Variants in PSTPIP1 observed in about 807,000 individuals in gnomAD.
PSTPIP1 encodes proline-serine-threonine phosphatase-interacting protein 1.
A neutral mutation model predicts 69.6 loss-of-function variants in PSTPIP1; 66 were observed. The ratio of observed to expected loss-of-function variants is 0.95; its 90% CI spans 0.78 to 1.16. PSTPIP1 has a LOEUF of 1.16. Among genes scored for constraint, PSTPIP1 ranks in the 50% most tolerant of loss-of-function variants. The pLI is 0.00. For missense variants in PSTPIP1, 603 were observed against 557.4 expected, an observed-to-expected ratio of 1.08 and a Z score of -0.82; for synonymous variants, 266 against 222.7, an observed-to-expected ratio of 1.19 and a Z score of -1.73.
At chr15:77,032,442 C>G (rs765213101) in intron 11 of PSTPIP1, 48 bp downstream of exon 11, 1 of 1,590,604 alleles carries the variant, frequency 6.3e-7, no homozygotes, top group South Asian at 1.1e-5. Context: ...CATTGAGCCC[C>G]TGGGAAGGCC....
intron 1 of PSTPIP1, among the ~76,000 whole-genome samples, chr15:77,014,227 GTCA>G (rs1417475600): frequency 1.3e-5 from 2 of 152,198 alleles, no homozygotes; most frequent in African/African-American, 4.8e-5. Context: ...TAAAATGGTA[GTCA>G]TCACCCCTAG....
In PSTPIP1 at chr15:77,007,437, A is replaced by G. The variant is rs576126794; in HGVS notation, c.37-10711A>G. ...AGCCTAGGAAGCATGGCAAAACCCAATCTCTACAAAAAATACAAAAATTAG... is the reference window on the plus strand; with the variant it reads ...AGCCTAGGAAGCATGGCAAAACCCAGTCTCTACAAAAAATACAAAAATTAG... On this transcript the variant is annotated intron_variant, in intron 1 of 14. Transcript: ENST00000558012. 3.6e-4 allele frequency among the ~76,000 whole-genome samples: 55 copies of G among 152,120 alleles called. No individual in the cohort carries two copies. In the East Asian group the frequency reaches 9.0e-3, roughly 25 times the overall value.
intron 3 of PSTPIP1, chr15:77,024,066 G>A (rs1290239197): frequency 6.6e-6 from 1 of 152,342 alleles, no homozygotes; most frequent in African/African-American, 2.4e-5. Context: ...TCTCATCTGT[G>A]AAATGGGATA....
At position 77,027,985 on chromosome 15, in the gene PSTPIP1, C is replaced by G; in HGVS notation, c.417+71C>G. 7 of 1,364,132 alleles carry G rather than the reference C, an allele frequency of 5.1e-6. No homozygotes were observed. The highest frequency in any genetic ancestry group is 7.1e-6 in the Non-Finnish European group (7 of 979,880). The allele number at this position is 1,364,132 out of a possible 1,614,324, so 84.5% of individuals were successfully genotyped here. A position where few individuals can be genotyped will look rare whatever the true frequency, so the allele number is the denominator to read the frequency against. On this transcript the variant is annotated intron_variant, in intron 6 of 14. Transcript: ENST00000558012. This position sits in a 1 kb window ranked among gnomAD's most constrained non-coding sequence, Gnocchi z 4.3. ...GCAGGTCTCAGGGTGCGATCCTGGGCTGTGGCCCCGGGCAGGGCATTTGGA... is the reference window on the plus strand; with the variant it reads ...GCAGGTCTCAGGGTGCGATCCTGGGGTGTGGCCCCGGGCAGGGCATTTGGA...
intron 1 of PSTPIP1, among the ~76,000 whole-genome samples, chr15:77,006,722 C>T (rs2075822331): frequency 1.3e-5 from 2 of 152,294 alleles, no homozygotes; most frequent in African/African-American, 4.8e-5. Context: ...ATAGAATGGT[C>T]TTGGCACCCT....
intron 1 of PSTPIP1, 139 bp from the exon 2 acceptor site, chr15:77,018,009 G>A (rs2076085533): frequency 5.1e-6 from 4 of 778,554 alleles, no homozygotes; most frequent in Non-Finnish European, 8.2e-6. Flanking sequence ...CAGGTCTGGA[G>A]TCCCAAGAGC....
At chr15:76,997,004 G>T (rs919126929) in intron 1 of PSTPIP1, among the ~76,000 whole-genome samples, 9 of 152,194 alleles carry the variant, frequency 5.9e-5, no homozygotes, top group Non-Finnish European at 1.2e-4. Context: ...TTATCACTGA[G>T]ACCTCTGTCC....
intron 5 of PSTPIP1, among the ~76,000 whole-genome samples, chr15:77,026,638 A>C (rs1176246915): frequency 6.6e-6 from 1 of 152,228 alleles, no homozygotes; most frequent in East Asian, 1.9e-4. Context: ...TCTGGTTAGC[A>C]GCTCTGCTGG....
rs114245955 is a variant in PSTPIP1 at position 76,995,810 on chromosome 15, G to T, written c.36+201G>T. On this transcript the variant is annotated intron_variant, in intron 1 of 14. Coordinates refer to ENST00000558012, the MANE Select transcript of PSTPIP1 (RefSeq NM_003978.5). Reference sequence around the variant, plus strand: ...ACGCAAGTGGACTCCGTGAATGAGCGTCCTCCTCTCTGCTGCCCCGTGTGT... The same window carrying T: ...ACGCAAGTGGACTCCGTGAATGAGCTTCCTCCTCTCTGCTGCCCCGTGTGT... Among the ~76,000 whole-genome samples, 439 of 152,302 alleles carry T rather than the reference G, an allele frequency of 2.9e-3. 2 individuals are homozygous for T. Among genetic ancestry groups the T allele is most frequent in the African/African-American group, 0.01 (418 of 41,558 alleles).
intron 11 of PSTPIP1, 140 bp from the exon 12 acceptor site, chr15:77,032,722 T>A (rs1472204894): frequency 1.4e-6 from 1 of 715,398 alleles, no homozygotes; most frequent in Non-Finnish European, 2.3e-6. Flanking sequence ...GTGGGGTCTC[T>A]CATGGGAGCA....
chr15:77,026,227 G>C (rs774043213), intron 5 of PSTPIP1: 79 of 455,796 alleles, frequency 1.7e-4, no homozygotes, highest in Admixed American at 5.9e-4. Context: ...GGCTGAAGTT[G>C]GATATAGGTT....
Position 77,012,156 on chromosome 15 carries a change from T to TCCAA in PSTPIP1, c.37-5989_37-5988insACCA, listed in dbSNP as rs2075953030. Among the ~76,000 whole-genome samples, 18 of 28,932 alleles carry TCCAA rather than the reference T, an allele frequency of 6.2e-4. 1 individual carries two copies. The South Asian group carries it at 0.015, about 24-fold the overall frequency. The allele number at this position is 28,932 out of a possible 152,430, so 19.0% of individuals were successfully genotyped here. Reference sequence around the variant, plus strand: ...ATCCATCCATCCATCCATCCATCCATCCACCCACCCACCCACCCACCCATT... The same window carrying TCCAA: ...ATCCATCCATCCATCCATCCATCCATCCAACCACCCACCCACCCACCCACCCATT... On this transcript the variant is annotated intron_variant, in intron 1 of 14. Transcript: ENST00000558012.
Position 77,025,789 on chromosome 15 carries a change from C to T in PSTPIP1, c.354+185C>T, listed in dbSNP as rs11636266. Among the ~76,000 whole-genome samples, 5,336 of 152,182 alleles carry T rather than the reference C, an allele frequency of 0.035. 173 individuals are homozygous for T. The highest frequency in any genetic ancestry group is 0.084 in the African/African-American group (3,505 of 41,486). On this transcript the variant is annotated intron_variant, in intron 5 of 14. Coordinates refer to ENST00000558012, the MANE Select transcript of PSTPIP1 (RefSeq NM_003978.5). ...TGGGTAGGGAGGGCAGAGGCCTGGC[C>T]GCTGGCACTAAGGCCAACTCTTAGT... is the stretch of plus-strand genomic sequence containing the variant.
At chr15:77,005,031 A>G (rs2075788619) in intron 1 of PSTPIP1, among the ~76,000 whole-genome samples, 1 of 152,198 alleles carries the variant, frequency 6.6e-6, no homozygotes, top group African/African-American at 2.4e-5. Context: ...AAAGTTCCCC[A>G]GTGCCTCCAT....
At chr15:77,008,851 C>T (rs2075873450) in intron 1 of PSTPIP1, among the ~76,000 whole-genome samples, 1 of 152,140 alleles carries the variant, frequency 6.6e-6, no homozygotes, top group African/African-American at 2.4e-5. Context: ...TCGTGTTTCT[C>T]CACCATGCGG....
chr15:77,031,316 C>A, intron 10 of PSTPIP1, 38 bp downstream of exon 10: 1 of 1,595,742 alleles, frequency 6.3e-7, no homozygotes, highest in Non-Finnish European at 8.6e-7. Flanking sequence ...TAAGGTAGGG[C>A]AGCCTCTAGG....
intron 1 of PSTPIP1, among the ~76,000 whole-genome samples, chr15:77,014,151 C>G (rs922755482): frequency 6.6e-6 from 1 of 152,102 alleles, no homozygotes; most frequent in Non-Finnish European, 1.5e-5. Context: ...GGGTTATATC[C>G]CAGCTGCACC....
At chr15:77,018,373 A>T in intron 2 of PSTPIP1, 84 bp from the exon 3 acceptor site, 2 of 1,540,528 alleles carry the variant, frequency 1.3e-6, no homozygotes, top group Non-Finnish European at 1.8e-6. Context: ...TGCTTTAAAA[A>T]ACTCTTCTGT....
At chr15:77,034,150 G>A (rs1249693491) in intron 12 of PSTPIP1, among the ~76,000 whole-genome samples, 1 of 152,146 alleles carries the variant, frequency 6.6e-6, no homozygotes, top group Admixed American at 6.5e-5. Context: ...GGAAGAGGCG[G>A]GGGTCAGTGA....
Sources: gnomAD v4.1 joint callset for allele counts (sites outside exome capture counted in the v4.1 genomes callset) on GRCh38, gnomAD v4.1.1 for gene constraint, Gnocchi (gnomAD v3.1) non-coding constraint, MANE v1.5 for transcripts, NCBI Gene and HGNC (gene_info 2026-07-23, HGNC 2026-07-21) for gene names.